MED12L: variants seen among roughly 807,000 people sequenced by gnomAD.
MED12L encodes mediator complex subunit 12L, also known as mediator of RNA polymerase II transcription subunit 12-like protein.
Under a neutral mutation model 281.3 loss-of-function variants are expected in MED12L, and 60 were observed. The observed-to-expected ratio is 0.21, with a 90% confidence interval of 0.17 to 0.26. MED12L has a LOEUF of 0.26. Among genes scored for constraint, MED12L ranks in the 10% least tolerant of loss-of-function variants. The pLI, the probability that MED12L is intolerant of heterozygous loss-of-function variation, is 1.00. For missense variants in MED12L, 2,146 were observed against 2,680.9 expected (o/e 0.80, Z 4.41); for synonymous variants, 974 against 987.2 (o/e 0.99, Z 0.25).
intron 16 of MED12L, among the ~76,000 whole-genome samples, chr3:151,290,410 A>G (rs2149667870): frequency 6.6e-6 from 1 of 152,332 alleles, no homozygotes; most frequent in South Asian, 2.1e-4. Context: ...AGAGTATTCA[A>G]AATGAAAGTT....
At chr3:151,386,355 T>A (rs1215939502) in intron 36 of MED12L, among the ~76,000 whole-genome samples, 1 of 152,190 alleles carries the variant, frequency 6.6e-6, no homozygotes, top group Non-Finnish European at 1.5e-5. Context: ...AATTTACAGG[T>A]GGCAATTGAA....
At chr3:151,302,083 G>C (rs1283302635) in intron 16 of MED12L, among the ~76,000 whole-genome samples, 1 of 152,160 alleles carries the variant, frequency 6.6e-6, no homozygotes, top group East Asian at 1.9e-4. Context: ...GTGAAATACA[G>C]CTATTGTATA....
intron 16 of MED12L, among the ~76,000 whole-genome samples, chr3:151,321,134 G>A (rs1748950910): frequency 6.6e-6 from 1 of 152,112 alleles, no homozygotes; most frequent in Admixed American, 6.5e-5. Context: ...TAGAAGTTAA[G>A]GTACATCCAT....
chr3:151,397,325 A>G (rs1715104207), intron 39 of MED12L, among the ~76,000 whole-genome samples: 1 of 152,130 alleles, frequency 6.6e-6, no homozygotes, highest in South Asian at 2.1e-4. Context: ...ATCATTCTTC[A>G]AGTGTTAGAT....
At chr3:151,225,318 T>A (rs558981538) in intron 16 of MED12L, among the ~76,000 whole-genome samples, 15 of 152,324 alleles carry the variant, frequency 9.8e-5, no homozygotes, top group African/African-American at 3.6e-4. Flanking sequence ...ATACTACGTA[T>A]TGAGTCATTT....
At chr3:151,422,512 T>A (rs1718366967) in intron 43 of MED12L, among the ~76,000 whole-genome samples, 1 of 152,200 alleles carries the variant, frequency 6.6e-6, no homozygotes, top group African/African-American at 2.4e-5. Flanking sequence ...TCCCTGTGCA[T>A]ATACGTGTCT....
intron 16 of MED12L, among the ~76,000 whole-genome samples, chr3:151,255,912 A>G (rs1302943629): frequency 6.6e-6 from 1 of 152,200 alleles, no homozygotes; most frequent in African/African-American, 2.4e-5. Flanking sequence ...TACTACCTGC[A>G]CTATTAAAGT....
At chr3:151,345,446 G>A (rs1182942899) in intron 16 of MED12L, among the ~76,000 whole-genome samples, 1 of 151,856 alleles carries the variant, frequency 6.6e-6, no homozygotes, top group Non-Finnish European at 1.5e-5. Context: ...TATTTTCTTA[G>A]GTTGACTTTA....
intron 2 of MED12L, among the ~76,000 whole-genome samples, chr3:151,105,123 T>C (rs1054525928): frequency 6.6e-6 from 1 of 152,162 alleles, no homozygotes; most frequent in Non-Finnish European, 1.5e-5. Context: ...TCCTCCTGAG[T>C]TGGTCTGGTA....
intron 16 of MED12L, among the ~76,000 whole-genome samples, chr3:151,266,729 C>T (rs1559959578): frequency 6.6e-6 from 1 of 152,018 alleles, no homozygotes; most frequent in South Asian, 2.1e-4. Flanking sequence ...TGGCTTGGCA[C>T]AGGGAAAAAT....
At chr3:151,103,528 T>C (rs1469408400) in intron 2 of MED12L, among the ~76,000 whole-genome samples, 1 of 152,210 alleles carries the variant, frequency 6.6e-6, no homozygotes, top group African/African-American at 2.4e-5. Context: ...ATGGTGGACA[T>C]TTCCATCTAA....
At chr3:151,227,137 G>A (rs1041603055) in intron 16 of MED12L, among the ~76,000 whole-genome samples, 1 of 152,242 alleles carries the variant, frequency 6.6e-6, no homozygotes, top group Non-Finnish European at 1.5e-5. Context: ...CCAGGTCAGT[G>A]ACCAACATGT....
chr3:151,172,128 CAGGTAG>C (rs1721508077), intron 11 of MED12L, among the ~76,000 whole-genome samples: 1 of 152,082 alleles, frequency 6.6e-6, no homozygotes, highest in South Asian at 2.1e-4. Context: ...AGAGTACGTG[CAGGTAG>C]AGGTAGGGGT....
At chr3:151,174,372 G>A (rs928611901) in intron 11 of MED12L, among the ~76,000 whole-genome samples, 4 of 152,166 alleles carry the variant, frequency 2.6e-5, no homozygotes, top group Admixed American at 6.5e-5. Context: ...TTACTTAAAC[G>A]TTGACTGAAG....
intron 2 of MED12L, among the ~76,000 whole-genome samples, chr3:151,109,205 G>GCCACCAC (rs1444352537): frequency 1.3e-4 from 20 of 152,192 alleles, no homozygotes; most frequent in Admixed American, 9.8e-4. Flanking sequence ...GCAGCCACCA[G>GCCACCAC]CCACCACGCC....
intron 5 of MED12L, among the ~76,000 whole-genome samples, chr3:151,138,435 TAATG>T (rs1399679202): frequency 6.6e-6 from 1 of 152,258 alleles, no homozygotes; most frequent in East Asian, 1.9e-4. Flanking sequence ...TTATTATAAT[TAATG>T]AACCAATATT....
intron 21 of MED12L, among the ~76,000 whole-genome samples, chr3:151,361,527 T>C (rs1234234582): frequency 6.6e-6 from 1 of 152,166 alleles, no homozygotes; most frequent in African/African-American, 2.4e-5. Flanking sequence ...CTGATAATGA[T>C]AGTAGTATTT....
intron 16 of MED12L, among the ~76,000 whole-genome samples, chr3:151,310,371 T>C (rs1747339479): frequency 6.6e-6 from 1 of 152,254 alleles, no homozygotes; most frequent in Non-Finnish European, 1.5e-5. Context: ...TGTCTTATCC[T>C]GCCTCTGTAA....
intron 16 of MED12L, among the ~76,000 whole-genome samples, chr3:151,194,976 A>G (rs946193875): frequency 3.9e-5 from 6 of 152,142 alleles, no homozygotes; most frequent in Non-Finnish European, 8.8e-5. Flanking sequence ...CATCCTGGCT[A>G]ACATGGTGAA....
Sources: gnomAD v4.1 joint callset for allele counts (sites outside exome capture counted in the v4.1 genomes callset) on GRCh38, gnomAD v4.1.1 for gene constraint, MANE v1.5 for transcripts, NCBI Gene and HGNC (gene_info 2026-07-23, HGNC 2026-07-21) for gene names.